RALYL: variants seen among roughly 807,000 people sequenced by gnomAD.
RALYL encodes the protein RALY RNA binding protein like.
A neutral mutation model predicts 35.1 loss-of-function variants in RALYL; 29 were observed. The observed-to-expected ratio is 0.83, with a 90% confidence interval of 0.61 to 1.13. RALYL has a LOEUF of 1.13. Among genes scored for constraint, RALYL ranks in the 50% most tolerant of loss-of-function variants. The pLI is 0.00. For synonymous variants in RALYL, 120 were observed against 127.6 expected, an observed-to-expected ratio of 0.94 and a Z score of 0.40; for missense variants, 359 against 360.4, an observed-to-expected ratio of 1.00 and a Z score of 0.03.
intron 3 of RALYL, among the ~76,000 whole-genome samples, chr8:84,795,141 C>A (rs762724525): frequency 2.6e-5 from 4 of 152,178 alleles, no homozygotes; most frequent in Non-Finnish European, 4.4e-5. Context: ...GGGAAAGCTG[C>A]ATTTTACTCC....
intron 8 of RALYL, among the ~76,000 whole-genome samples, chr8:84,915,358 C>T (rs573181117): frequency 2.0e-5 from 3 of 152,182 alleles, no homozygotes; most frequent in South Asian, 4.2e-4. Flanking sequence ...CTCTCTCTTG[C>T]CATCTTAGAA....
chr8:84,867,668 C>A (rs1016626919), intron 6 of RALYL, among the ~76,000 whole-genome samples: 6 of 152,198 alleles, frequency 3.9e-5, no homozygotes, highest in African/African-American at 1.4e-4. Context: ...TTTTTGCTTG[C>A]TGAAATCTAA....
chr8:84,451,513 T>C (rs1424792868), intron 1 of RALYL, among the ~76,000 whole-genome samples: 1 of 152,014 alleles, frequency 6.6e-6, no homozygotes, highest in Non-Finnish European at 1.5e-5. Context: ...TGCCAAATTG[T>C]TGAGTGATAT....
chr8:84,815,192 G>T (rs921414379), intron 4 of RALYL, among the ~76,000 whole-genome samples: 5 of 152,118 alleles, frequency 3.3e-5, no homozygotes, highest in African/African-American at 1.2e-4. Flanking sequence ...CAGGATAGAT[G>T]CAAAGAGCCC....
At position 84,858,772 on chromosome 8, in the gene RALYL, C is replaced by G. The variant is rs754172043; in HGVS notation, c.414-3524C>G. ...CTATATTTTGAAGAACCCCTATATC[C>G]CATCTTGCAATCGCAGAAAGCCTTC... is the stretch of plus-strand genomic sequence containing the variant. On this transcript the variant is annotated intron_variant, in intron 5 of 8. Coordinates refer to ENST00000521268, the MANE Select transcript of RALYL (RefSeq NM_173848.7). Among the ~76,000 whole-genome samples, 9 of 152,124 alleles carry G rather than the reference C, an allele frequency of 5.9e-5. No homozygotes were observed. The South Asian group carries it at 6.2e-4, about 11-fold the overall frequency.
chr8:84,434,353 G>A (rs4740011), intron 1 of RALYL, among the ~76,000 whole-genome samples: 5,371 of 152,136 alleles, frequency 0.035, 252 homozygotes, highest in East Asian at 0.22. Flanking sequence ...TGAGGGAGAC[G>A]CAATTCAGCA....
At chr8:84,737,190 A>C (rs558902771) in intron 2 of RALYL, among the ~76,000 whole-genome samples, 2 of 152,204 alleles carry the variant, frequency 1.3e-5, no homozygotes, top group Non-Finnish European at 2.9e-5. Flanking sequence ...TTTATGCAGA[A>C]ATATTTTTAA....
chr8:84,281,439 A>G (rs1836535173), intron 1 of RALYL, among the ~76,000 whole-genome samples: 1 of 151,878 alleles, frequency 6.6e-6, no homozygotes, highest in Admixed American at 6.6e-5. Flanking sequence ...GTAAGGTTTT[A>G]CAACATATGA....
chr8:84,807,197 A>G (rs1472187857), intron 4 of RALYL, among the ~76,000 whole-genome samples: 4 of 151,994 alleles, frequency 2.6e-5, no homozygotes, highest in African/African-American at 7.2e-5. Context: ...CCCAAAGTCC[A>G]TTGTATCATT....
At chr8:84,895,238 G>T (rs545251577) in intron 8 of RALYL, among the ~76,000 whole-genome samples, 1 of 151,536 alleles carries the variant, frequency 6.6e-6, no homozygotes, top group African/African-American at 2.4e-5. Flanking sequence ...AAGGCATAAA[G>T]AAATCAGTAC....
chr8:84,276,952 G>A (rs1835509740), intron 1 of RALYL, among the ~76,000 whole-genome samples: 1 of 152,152 alleles, frequency 6.6e-6, no homozygotes, highest in Non-Finnish European at 1.5e-5. Context: ...AAAATAAACA[G>A]ATAATTTTTT....
intron 5 of RALYL, among the ~76,000 whole-genome samples, chr8:84,850,886 A>T (rs1586759492): frequency 1.3e-5 from 2 of 152,136 alleles, no homozygotes; most frequent in East Asian, 3.9e-4. Context: ...CTTCCCCTCC[A>T]TAGCGTTATA....
chr8:84,467,930 T>C (rs2051974856), intron 1 of RALYL, among the ~76,000 whole-genome samples: 1 of 138,066 alleles, frequency 7.2e-6, no homozygotes, highest in South Asian at 2.7e-4. Flanking sequence ...TCTTTGTTGG[T>C]TTAAAGTCTG....
At chr8:84,659,458 G>C (rs1023792089) in intron 2 of RALYL, among the ~76,000 whole-genome samples, 5 of 152,106 alleles carry the variant, frequency 3.3e-5, no homozygotes, top group African/African-American at 4.8e-5. Flanking sequence ...TTGGTCAATG[G>C]AAGGCAATCA....
chr8:84,742,873 A>C (rs1314490932), intron 2 of RALYL, among the ~76,000 whole-genome samples: 1 of 151,978 alleles, frequency 6.6e-6, no homozygotes, highest in Non-Finnish European at 1.5e-5. Context: ...TAGTTGTCCT[A>C]ATTTCTTTGT....
At chr8:84,850,497 G>A (rs953735204) in intron 5 of RALYL, among the ~76,000 whole-genome samples, 1 of 152,196 alleles carries the variant, frequency 6.6e-6, no homozygotes, top group African/African-American at 2.4e-5. Flanking sequence ...GATGCAAGAT[G>A]AGACCATCCA....
At chr8:84,451,522 A>G (rs893851248) in intron 1 of RALYL, among the ~76,000 whole-genome samples, 9 of 151,990 alleles carry the variant, frequency 5.9e-5, no homozygotes, top group Admixed American at 3.9e-4. Context: ...GTTGAGTGAT[A>G]TTGTGAGTTA....
chr8:84,375,212 T>G (rs1856678443), intron 1 of RALYL, among the ~76,000 whole-genome samples: 1 of 151,870 alleles, frequency 6.6e-6, no homozygotes, highest in Non-Finnish European at 1.5e-5. Flanking sequence ...TTTAGGTTAT[T>G]TTCTGCTCAA....
chr8:84,290,353 T>C (rs1229025739), intron 1 of RALYL, among the ~76,000 whole-genome samples: 8 of 152,206 alleles, frequency 5.3e-5, no homozygotes, highest in African/African-American at 1.9e-4. Flanking sequence ...GTGAGCAACA[T>C]GGCTGTTTAT....
Sources: allele counts gnomAD v4.1 joint callset (sites outside exome capture counted in the v4.1 genomes callset), GRCh38; gene constraint gnomAD v4.1.1; transcripts MANE v1.5; gene names NCBI Gene and HGNC (gene_info 2026-07-23, HGNC 2026-07-21).